The following DUSP10 variants were observed in gnomAD, a reference collection of about 807,000 sequenced individuals.
DUSP10 encodes the protein dual specificity phosphatase 10.
DUSP10 carries 14 observed loss-of-function variants against 30.8 expected under a neutral mutation model. The observed-to-expected ratio is 0.46, with a 90% CI of 0.30 to 0.71. The LOEUF (loss-of-function observed/expected upper bound fraction) is 0.71, where lower values mean the gene tolerates loss of function less well. Among genes scored for constraint, DUSP10 ranks in the 30% least tolerant of loss-of-function variants. The probability of loss-of-function intolerance (pLI) is 0.08; values close to 1 mark genes in which losing one functional copy is unlikely to be tolerated. For synonymous variants in DUSP10, 254 were observed against 250.4 expected (o/e 1.01, Z -0.14); for missense variants, 550 against 619.4 (o/e 0.89, Z 1.19).
chr1:221,738,058 G>T (rs143209636), intron 2 of DUSP10, among the ~76,000 whole-genome samples: 33 of 152,326 alleles, frequency 2.2e-4, no homozygotes, highest in Non-Finnish European at 4.3e-4. Flanking sequence ...GTATCTGAGG[G>T]CAAAGAGGTG....
chr1:221,734,569 CATTT>C (rs528377780), intron 2 of DUSP10, among the ~76,000 whole-genome samples: 135 of 152,296 alleles, frequency 8.9e-4, no homozygotes, highest in African/African-American at 3.1e-3. Context: ...CACATTAATT[CATTT>C]ATTTCAGAAA....
At chr1:221,737,792 G>A (rs1661824302) in intron 2 of DUSP10, among the ~76,000 whole-genome samples, 1 of 152,216 alleles carries the variant, frequency 6.6e-6, no homozygotes, top group African/African-American at 2.4e-5. Context: ...AAGGAGAATG[G>A]CAAAGCTGTC....
rs773122250 is a variant in DUSP10 at position 221,739,450 on chromosome 1, C to T, written c.295G>A (p.Ala99Thr). The T allele has an allele frequency of 7.4e-6, 12 of 1,614,140 alleles. No homozygotes were observed. Among genetic ancestry groups the T allele is most frequent in the Non-Finnish European group, 7.6e-6 (9 of 1,180,038 alleles). The stretch of plus-strand genomic sequence containing the variant: ...CCGATGGCAGTGGTGGTGGTGCCAG[C>T]GGCAATGGCTTGGGTTTGGGCCTGA... ...DNQAQTQAIAAGTTTTAIGTS... is the reference protein window; with the variant it reads ...DNQAQTQAIATGTTTTAIGTS... The change falls in exon 2 of 4, where the codon GCT becomes ACT. Residue 99 changes from alanine (A) to threonine (T), a missense_variant. Transcript: ENST00000366899.
intron 2 of DUSP10, among the ~76,000 whole-genome samples, chr1:221,709,654 C>T (rs575606842): frequency 5.8e-4 from 88 of 152,058 alleles, no homozygotes; most frequent in African/African-American, 2.0e-3. Context: ...TCTCTGTGGA[C>T]GGTGCTTAAA....
At chr1:221,734,604 T>A (rs2102650970) in intron 2 of DUSP10, among the ~76,000 whole-genome samples, 1 of 152,352 alleles carries the variant, frequency 6.6e-6, no homozygotes, top group East Asian at 1.9e-4. Flanking sequence ...GAGATAGCTA[T>A]TGTTATATCC....
chr1:221,713,297 C>T (rs545363987), intron 2 of DUSP10, among the ~76,000 whole-genome samples: 11 of 152,194 alleles, frequency 7.2e-5, no homozygotes, highest in Admixed American at 1.3e-4. Context: ...CCATCACTGC[C>T]GGAGGAAGTG....
At chr1:221,735,476 T>A (rs1661738602) in intron 2 of DUSP10, among the ~76,000 whole-genome samples, 1 of 152,236 alleles carries the variant, frequency 6.6e-6, no homozygotes, top group African/African-American at 2.4e-5. Flanking sequence ...ATAAAATATT[T>A]CCAGCTTTAT....
intron 2 of DUSP10, among the ~76,000 whole-genome samples, chr1:221,713,400 C>G (rs1661002833): frequency 1.3e-5 from 2 of 151,840 alleles, no homozygotes; most frequent in Admixed American, 6.5e-5. Context: ...TTTTCAGAAG[C>G]CTTGAAAAAA....
intron 3 of DUSP10, among the ~76,000 whole-genome samples, chr1:221,705,819 C>G (rs138314519): frequency 6.6e-6 from 1 of 152,228 alleles, no homozygotes; most frequent in South Asian, 2.1e-4. Context: ...ACCCCTACCA[C>G]TATTTCACTG....
At chr1:221,715,416 C>T (rs530319497) in intron 2 of DUSP10, among the ~76,000 whole-genome samples, 7 of 152,282 alleles carry the variant, frequency 4.6e-5, no homozygotes, top group African/African-American at 1.2e-4. Flanking sequence ...ATTGGATTTC[C>T]GCCGGCTGGA....
intron 3 of DUSP10, among the ~76,000 whole-genome samples, chr1:221,704,316 TA>T (rs10543773): frequency 0.043 from 5,797 of 134,314 alleles, 247 homozygotes; most frequent in African/African-American, 0.1. Flanking sequence ...TTGTTTTCCT[TA>T]AAAAAAAAAA....
chr1:221,725,494 G>A (rs1389860724), intron 2 of DUSP10, among the ~76,000 whole-genome samples: 1 of 152,064 alleles, frequency 6.6e-6, no homozygotes, highest in Non-Finnish European at 1.5e-5. Context: ...CTCAAGGTAG[G>A]AATTAAGAGA....
intron 2 of DUSP10, among the ~76,000 whole-genome samples, chr1:221,726,716 A>C (rs1278460338): frequency 6.6e-6 from 1 of 151,850 alleles, no homozygotes; most frequent in African/African-American, 2.4e-5. Flanking sequence ...AAAAAAAAAA[A>C]AAACCCTATG....
At chr1:221,714,544 G>C (rs1571814493) in intron 2 of DUSP10, among the ~76,000 whole-genome samples, 1 of 152,218 alleles carries the variant, frequency 6.6e-6, no homozygotes, top group Middle Eastern at 3.4e-3. Context: ...GATTAGGGTG[G>C]GGTGACCAGC....
At chr1:221,714,360 A>T (rs935298157) in intron 2 of DUSP10, among the ~76,000 whole-genome samples, 1 of 152,196 alleles carries the variant, frequency 6.6e-6, no homozygotes, top group African/African-American at 2.4e-5. Flanking sequence ...GTTGAGCTGC[A>T]GACACAGACA....
At chr1:221,720,054 C>T (rs549499457) in intron 2 of DUSP10, among the ~76,000 whole-genome samples, 10 of 152,230 alleles carry the variant, frequency 6.6e-5, no homozygotes, top group Middle Eastern at 3.4e-3. Flanking sequence ...TTCCCTCTTC[C>T]GCAAACTCCC....
chr1:221,711,821 AAC>A (rs1558118102), intron 2 of DUSP10: 8 of 152,352 alleles, frequency 5.3e-5, no homozygotes, highest in Non-Finnish European at 1.0e-4. Flanking sequence ...TTATACCAGG[AAC>A]AGATGGATGC....
rs188447469 is a variant in DUSP10, at chr1:221,719,215, G to A, written c.812-12749C>T. Among the ~76,000 whole-genome samples, 8 of 152,330 alleles carry A rather than the reference G, an allele frequency of 5.3e-5. No individual in the cohort carries two copies. The East Asian group carries it at 1.3e-3, about 26-fold the overall frequency. ...AAAATTTGAATTGTTTTCCTGAACC[G>A]ATGTTTTCACTTCACAAAAGGCATA... On this transcript the variant is annotated intron_variant, in intron 2 of 3. Transcript: ENST00000366899.
chr1:221,740,397 G>C (rs889755869), intron 1 of DUSP10, among the ~76,000 whole-genome samples: 6 of 152,148 alleles, frequency 3.9e-5, no homozygotes, highest in African/African-American at 1.4e-4. Flanking sequence ...GGGGTCCTTT[G>C]AAAAGCACAA....
Sources: allele counts gnomAD v4.1 joint callset (sites outside exome capture counted in the v4.1 genomes callset), GRCh38; gene constraint gnomAD v4.1.1; transcripts MANE v1.5; gene names NCBI Gene and HGNC (gene_info 2026-07-23, HGNC 2026-07-21).